Variants in ZNF845 observed in about 807,000 individuals in gnomAD.
ZNF845 encodes the protein zinc finger protein 845.
A neutral mutation model predicts 76.1 loss-of-function variants in ZNF845; 59 were observed. That is an observed-to-expected ratio of 0.78 (90% CI 0.63 to 0.96). ZNF845 has a LOEUF of 0.96. Ranked by LOEUF, ZNF845 falls within the 40% of genes least tolerant of loss-of-function variation. The pLI, the probability that ZNF845 is intolerant of heterozygous loss-of-function variation, is 0.00. For missense variants in ZNF845, 1,045 were observed against 1,172.8 expected, an observed-to-expected ratio of 0.89 and a Z score of 1.59; for synonymous variants, 361 against 386.9, an observed-to-expected ratio of 0.93 and a Z score of 0.78.
Position 53,351,027 on chromosome 19 carries a change from C to T in ZNF845, c.352C>T (p.Gln118Ter), listed in dbSNP as rs770031022. 7.4e-6 allele frequency: 12 copies of T among 1,614,010 alleles called. No homozygotes were observed. In the South Asian group the frequency reaches 7.7e-5, roughly 10 times the overall value. ...TGAAGCACCCATGACAGAAATCAAA[C>T]AGTTGACGGGTAGTACAAACCGACA... ...SHEAPMTEIK[Q>*]LTGSTNRHDQ... The change falls in exon 4 of 4, where the codon CAG becomes TAG. Residue 118 changes from glutamine to a stop codon, truncating the protein, a stop_gained. Transcript: ENST00000458035. LOFTEE classifies it high-confidence loss of function.
chr19:53,340,911 GC>G, intron 1 of ZNF845: 1 of 391,206 alleles, frequency 2.6e-6, no homozygotes, highest in South Asian at 8.9e-5. Context: ...GAACTCGCTG[GC>G]CCCTCAGCTG....
rs1486421412 is a variant in ZNF845, at chr19:53,353,571, A to G, written c.2896A>G (p.Thr966Ala). The change falls in exon 4 of 4, where the codon ACT (threonine) becomes GCT (alanine). Residue 966 changes from threonine to alanine, a missense_variant. Physicochemically the swap from Thr to Ala is moderately conservative, Grantham distance 58. Coordinates refer to ENST00000458035, the MANE Select transcript of ZNF845 (RefSeq NM_138374.3). ...AKLARHHRIH[T>A]GKKH is the part of the protein sequence containing the mutation. ...ACTTGCACGTCATCATAGAATTCAT[A>G]CTGGAAAGAAACATTAGAAATATGA... The G allele has an allele frequency of 6.3e-7, 1 of 1,596,072 alleles. No homozygotes were observed.
chr19:53,342,556 T>A (rs2085263972), intron 2 of ZNF845, among the ~76,000 whole-genome samples: 1 of 152,174 alleles, frequency 6.6e-6, no homozygotes, highest in Non-Finnish European at 1.5e-5. Context: ...TCCTCCACCC[T>A]CCTTCCAGCC....
In ZNF845 at chr19:53,350,975, G is replaced by A. The variant is rs576516899; in HGVS notation, c.300G>A (p.Gln100=). The stretch of plus-strand genomic sequence containing the variant: ...AAGATATTCATGATTTTGAGTTTCA[G>A]TGGAAAGAAGATGAAAGAAATAGCC... The part of the protein sequence containing the change: ...MEKDIHDFEF[Q]WKEDERNSHE... Residue 100 remains glutamine (Q), a synonymous_variant, in exon 4 of 4, where the codon CAG becomes CAA. Transcript: ENST00000458035. 9.9e-6 allele frequency: 16 copies of A among 1,614,154 alleles called. No individual in the cohort carries two copies. The South Asian group carries it at 1.5e-4, about 16-fold the overall frequency.
Position 53,352,776 on chromosome 19 carries a change from G to A in ZNF845, c.2101G>A (p.Gly701Ser), listed in dbSNP as rs373305546. 3.4e-5 allele frequency: 54 copies of A among 1,606,266 alleles called. No individual in the cohort carries two copies. Among genetic ancestry groups the A allele is most frequent in the South Asian group, 2.2e-4 (20 of 90,346 alleles). Reference protein sequence around the residue: ...YKCNECGKTFGRNSALIIHKA... With the variant: ...YKCNECGKTFSRNSALIIHKA... ...GTGTAATGAGTGTGGCAAGACCTTC[G>A]GTCGAAATTCAGCCCTTATAATTCA... The change falls in exon 4 of 4, where the codon GGT (glycine) becomes AGT (serine). Residue 701 changes from glycine (G) to serine (S), a missense_variant. Physicochemically the swap from Gly to Ser is moderately conservative, Grantham distance 56. Coordinates refer to ENST00000458035, the MANE Select transcript of ZNF845 (RefSeq NM_138374.3).
chr19:53,335,803 T>C (rs1353864068), intron 1 of ZNF845, among the ~76,000 whole-genome samples: 1 of 152,072 alleles, frequency 6.6e-6, no homozygotes, highest in Non-Finnish European at 1.5e-5. Flanking sequence ...GGTTTCTCCA[T>C]GTTGGTCAGG....
intron 3 of ZNF845, among the ~76,000 whole-genome samples, chr19:53,346,992 T>A (rs1568738381): frequency 6.6e-6 from 1 of 152,134 alleles, no homozygotes; most frequent in Non-Finnish European, 1.5e-5. Context: ...TAAGTGATTC[T>A]CCTGCCTCAG....
intron 1 of ZNF845, among the ~76,000 whole-genome samples, chr19:53,337,458 G>A (rs990482268): frequency 6.7e-6 from 1 of 148,844 alleles, no homozygotes; most frequent in South Asian, 2.1e-4. Flanking sequence ...TTCTCTCCCT[G>A]CAACCTCTGT....
chr19:53,338,808 T>TG (rs2147031422), intron 1 of ZNF845, among the ~76,000 whole-genome samples: 1 of 151,524 alleles, frequency 6.6e-6, no homozygotes, highest in African/African-American at 2.4e-5. Flanking sequence ...TGGCCGTGTG[T>TG]GGTGGCTCAC....
chr19:53,352,907 GAAACCTTAC>G lies in ZNF845; in HGVS notation c.2236_2244del (p.Pro746_Lys748del), dbSNP rs766483541. The G allele has an allele frequency of 1.9e-6, 3 of 1,613,940 alleles. No individual in the cohort carries two copies. The highest frequency in any genetic ancestry group is 2.5e-6 in the Non-Finnish European group (3 of 1,179,990). ...GCCATCTTAGACTTCATACTGGAGA[GAAACCTTAC>G]AAATGTGAAGAATGTGACAAAGTTT... On this transcript the variant is annotated inframe_deletion, in exon 4 of 4. Coordinates refer to ENST00000458035, the MANE Select transcript of ZNF845 (RefSeq NM_138374.3).
chr19:53,350,848 T>C lies in ZNF845; in HGVS notation c.173T>C (p.Phe58Ser). 6.2e-7 allele frequency: 1 copy of C among 1,613,898 alleles called. No individual in the cohort carries two copies. Among genetic ancestry groups the C allele is most frequent in the South Asian group, 1.1e-5 (1 of 91,004 alleles). ...DISSKCMMKE[F>S]SSTAQGNTEV... ...TCTTCCAAATGCATGATGAAGGAGT[T>C]CTCATCAACAGCACAAGGCAATACA... Residue 58 changes from phenylalanine to serine, a missense_variant, in exon 4 of 4, where the codon TTC (phenylalanine) becomes TCC (serine). Transcript: ENST00000458035.
rs1462891542 is a variant in ZNF845 at position 53,352,866 on chromosome 19, A to G, written c.2191A>G (p.Lys731Glu). Residue 731 changes from lysine to glutamate, a missense_variant, in exon 4 of 4, where the codon AAG becomes GAG. Coordinates refer to ENST00000458035, the MANE Select transcript of ZNF845 (RefSeq NM_138374.3). ...CNECGKAFSQKSSLTCHLRLH... is the reference protein window; with the variant it reads ...CNECGKAFSQESSLTCHLRLH... ...TGAGTGTGGCAAGGCCTTCAGTCAG[A>G]AGTCATCCCTTACATGCCATCTTAG... 6.2e-7 allele frequency: 1 copy of G among 1,614,100 alleles called. No homozygotes were observed. Among genetic ancestry groups the G allele is most frequent in the South Asian group, 1.1e-5 (1 of 91,074 alleles).
rs142848667 is a variant in ZNF845, at chr19:53,335,300, G to A, written c.-74+1508G>A. ...GTTTGAGACAGGGTCTGGCTCTGTC[G>A]CCCAGGCTGGGGTGCAGTGGTGTGA... On this transcript the variant is annotated intron_variant, in intron 1 of 3. Transcript: ENST00000458035. Among the ~76,000 whole-genome samples the A allele has an allele frequency of 3.9e-3, 600 of 152,132 alleles. 4 individuals are homozygous for A. Among genetic ancestry groups the A allele is most frequent in the Non-Finnish European group, 3.9e-3 (264 of 68,016 alleles).
rs1402302713 is a variant in ZNF845 at position 53,353,744 on chromosome 19, G to A, written c.*156G>A. The A allele has an allele frequency of 1.3e-6, 2 of 1,526,312 alleles. No individual in the cohort carries two copies. 94.5% of individuals were successfully genotyped at this position (1,526,312 alleles called of 1,614,324 possible). On this transcript the variant is annotated 3_prime_UTR_variant, in exon 4 of 4. Transcript: ENST00000458035. ...CCAACAAACTAGAAGTCACACTGGA[G>A]AGAAACCTTACAAGTGTACTGAGTG...
intron 1 of ZNF845, among the ~76,000 whole-genome samples, chr19:53,340,264 C>T (rs765327432): frequency 1.1e-4 from 16 of 152,214 alleles, no homozygotes; most frequent in African/African-American, 3.9e-4. Context: ...GTTGGCCAGG[C>T]TGGTTTCGAA....
rs2085254411 is a variant in ZNF845 at position 53,341,244 on chromosome 19, C to T, written c.-64C>T. 7 of 1,602,168 alleles carry T rather than the reference C, an allele frequency of 4.4e-6. No homozygotes were observed. Among genetic ancestry groups the T allele is most frequent in the Non-Finnish European group, 6.0e-6 (7 of 1,169,884 alleles). ...TATTTTTAACATTCAGGATTGACTT[C>T]TAAAGACTCTTGGTACGTGAGGAAG... On this transcript the variant is annotated 5_prime_UTR_variant, in exon 2 of 4. Transcript: ENST00000458035.
intron 3 of ZNF845, among the ~76,000 whole-genome samples, chr19:53,346,553 T>C (rs970386477): frequency 2.0e-5 from 3 of 152,188 alleles, no homozygotes; most frequent in Admixed American, 2.0e-4. Flanking sequence ...CGATGGTGGG[T>C]GCCTGTAATC....
rs766779871 is a variant in ZNF845 at position 53,351,608 on chromosome 19, T to C, written c.933T>C (p.Asn311=). 4 of 1,612,970 alleles carry C rather than the reference T, an allele frequency of 2.5e-6. No individual in the cohort carries two copies. The East Asian group carries it at 8.9e-5, about 36-fold the overall frequency. The change falls in exon 4 of 4, where the codon AAT becomes AAC. Residue 311 remains asparagine, a synonymous_variant. Coordinates refer to ENST00000458035, the MANE Select transcript of ZNF845 (RefSeq NM_138374.3). The part of the protein sequence containing the change: ...CSECGKTFSR[N]SALVIHKAIH... ...AGTGTGGCAAGACCTTCAGTCGAAATTCAGCCCTTGTAATTCATAAGGCAA... is the reference window on the plus strand; with the variant it reads ...AGTGTGGCAAGACCTTCAGTCGAAACTCAGCCCTTGTAATTCATAAGGCAA...
At chr19:53,340,813 C>G (rs77463709) in intron 1 of ZNF845, 8 of 354,326 alleles carry the variant, frequency 2.3e-5, no homozygotes, top group Non-Finnish European at 4.0e-5. Context: ...TCCTCCCTCC[C>G]TCTGCTCCAG....
Sources: gnomAD v4.1 joint callset for allele counts (sites outside exome capture counted in the v4.1 genomes callset) on GRCh38, gnomAD v4.1.1 for gene constraint, MANE v1.5 for transcripts, NCBI Gene and HGNC (gene_info 2026-07-23, HGNC 2026-07-21) for gene names.